The following ARHGEF28 variants were observed in gnomAD, a reference collection of about 807,000 sequenced individuals.
ARHGEF28 encodes the protein Rho guanine nucleotide exchange factor 28, also known as 190 kDa guanine nucleotide exchange factor.
In ARHGEF28, 152 loss-of-function variants were observed where a neutral mutation model predicts 206.6. That is an observed-to-expected ratio of 0.74 (90% CI 0.64 to 0.84). The LOEUF (loss-of-function observed/expected upper bound fraction) is 0.84. Among genes scored for constraint, ARHGEF28 ranks in the 40% least tolerant of loss-of-function variants. The pLI is 0.00. For missense variants in ARHGEF28, 2,028 were observed against 2,073.2 expected (o/e 0.98, Z 0.42); for synonymous variants, 763 against 776.4 (o/e 0.98, Z 0.29).
chr5:73,755,790 C>A (rs1400392714), intron 4 of ARHGEF28, among the ~76,000 whole-genome samples: 1 of 152,086 alleles, frequency 6.6e-6, no homozygotes, highest in Non-Finnish European at 1.5e-5. Flanking sequence ...CATCCTATTG[C>A]CATTTTCATT....
At chr5:73,881,978 C>A (rs1760981676) in intron 22 of ARHGEF28, among the ~76,000 whole-genome samples, 2 of 152,154 alleles carry the variant, frequency 1.3e-5, no homozygotes, top group Non-Finnish European at 2.9e-5. Context: ...AAATTCCCTA[C>A]TAAGGACTCA....
chr5:73,743,713 C>G (rs893121314), intron 2 of ARHGEF28, among the ~76,000 whole-genome samples: 1 of 152,176 alleles, frequency 6.6e-6, no homozygotes, highest in Non-Finnish European at 1.5e-5. Context: ...GTGTACTCTT[C>G]TCAGAATCTG....
intron 35 of ARHGEF28, among the ~76,000 whole-genome samples, chr5:73,913,979 C>A (rs1763063501): frequency 6.6e-6 from 1 of 152,166 alleles, no homozygotes; most frequent in African/African-American, 2.4e-5. Context: ...ATGTGAATTT[C>A]TGGAACAGTA....
At chr5:73,870,310 T>C in intron 21 of ARHGEF28, 101 bp downstream of exon 21, 2 of 1,359,586 alleles carry the variant, frequency 1.5e-6, no homozygotes, top group Non-Finnish European at 2.0e-6. Flanking sequence ...CCCAGTTCTA[T>C]CATTTTCTAT....
intron 2 of ARHGEF28, among the ~76,000 whole-genome samples, chr5:73,703,584 C>T (rs1748726495): frequency 6.6e-6 from 1 of 152,010 alleles, no homozygotes; most frequent in African/African-American, 2.4e-5. Context: ...GCCTGCTTTC[C>T]TCTCTCTCTT....
chr5:73,777,588 A>C (rs879503172), intron 6 of ARHGEF28, among the ~76,000 whole-genome samples: 2 of 152,234 alleles, frequency 1.3e-5, no homozygotes, highest in African/African-American at 4.8e-5. Context: ...TATGTATCAA[A>C]CAAAGATTAT....
intron 2 of ARHGEF28, among the ~76,000 whole-genome samples, chr5:73,714,694 G>T (rs1296185394): frequency 6.6e-6 from 1 of 152,112 alleles, no homozygotes; most frequent in African/African-American, 2.4e-5. Flanking sequence ...GCAGTCATAT[G>T]CACAAATCTT....
intron 4 of ARHGEF28, among the ~76,000 whole-genome samples, chr5:73,769,986 G>T (rs910667687): frequency 6.6e-6 from 1 of 152,176 alleles, no homozygotes; most frequent in African/African-American, 2.4e-5. Flanking sequence ...CTACATTTGA[G>T]AGGTTAATTT....
At chr5:73,721,696 C>A (rs1468711890) in intron 2 of ARHGEF28, among the ~76,000 whole-genome samples, 1 of 152,174 alleles carries the variant, frequency 6.6e-6, no homozygotes, top group Admixed American at 6.5e-5. Context: ...CCTTGGCCTC[C>A]CAAGTAGCTG....
At chr5:73,920,387 T>C (rs1482152231) in intron 35 of ARHGEF28, among the ~76,000 whole-genome samples, 1 of 152,152 alleles carries the variant, frequency 6.6e-6, no homozygotes, top group Non-Finnish European at 1.5e-5. Context: ...TAGTACTATA[T>C]GTATCAGTTT....
intron 13 of ARHGEF28, among the ~76,000 whole-genome samples, chr5:73,851,873 C>A (rs947163823): frequency 2.6e-5 from 4 of 152,098 alleles, no homozygotes; most frequent in African/African-American, 9.7e-5. Context: ...TTGTTTTCCT[C>A]CTTATGTATC....
intron 16 of ARHGEF28, among the ~76,000 whole-genome samples, chr5:73,862,295 A>G (rs1273068495): frequency 6.6e-6 from 1 of 152,148 alleles, no homozygotes; most frequent in East Asian, 1.9e-4. Context: ...TTTTGCATTT[A>G]GTTTTACTTT....
chr5:73,665,789 A>G (rs1187002080), intron 1 of ARHGEF28, among the ~76,000 whole-genome samples: 3 of 152,050 alleles, frequency 2.0e-5, no homozygotes, highest in Admixed American at 6.5e-5. Context: ...ACCTCTCAAT[A>G]CTGTTGCATT....
In ARHGEF28 at chr5:73,692,460, C is replaced by T. The variant is rs139388205; in HGVS notation, c.33+7576C>T. ...GTTTCCAGCTGGATCTAAGATACTT[C>T]GCTATTCCCTTAGCATTTTATGTTT... is the stretch of plus-strand genomic sequence containing the variant. On this transcript the variant is annotated intron_variant, in intron 2 of 35. Transcript: ENST00000513042. Among the ~76,000 whole-genome samples the T allele has an allele frequency of 3.4e-4, 52 of 152,246 alleles. No homozygotes were observed. In the East Asian group the frequency reaches 8.9e-3, roughly 26 times the overall value.
rs1282379518 is a variant in ARHGEF28 at position 73,806,535 on chromosome 5, CTATA to C, written c.1024+11149_1024+11152del. Among the ~76,000 whole-genome samples, 2 of 126,900 alleles carry C rather than the reference CTATA, an allele frequency of 1.6e-5. 1 individual carries two copies. Among genetic ancestry groups the C allele is most frequent in the African/African-American group, 6.3e-5 (2 of 31,698 alleles). The allele number at this position is 126,900 out of a possible 152,430, so 83.3% of individuals were successfully genotyped here. A position where few individuals can be genotyped will look rare whatever the true frequency, so the allele number is the denominator to read the frequency against. ...TATATAGTATGTATATAGTATATAT[CTATA>C]TATAGTATGTATATAGTATATATCT... On this transcript the variant is annotated intron_variant, in intron 9 of 35. Transcript: ENST00000513042.
chr5:73,732,175 G>A (rs1467792626), intron 2 of ARHGEF28, among the ~76,000 whole-genome samples: 1 of 152,074 alleles, frequency 6.6e-6, no homozygotes, highest in African/African-American at 2.4e-5. Flanking sequence ...GTATTACATA[G>A]AGTGTTTTCA....
At chr5:73,657,955 G>C (rs184217957) in intron 1 of ARHGEF28, among the ~76,000 whole-genome samples, 36 of 152,162 alleles carry the variant, frequency 2.4e-4, no homozygotes, top group Admixed American at 1.7e-3. Flanking sequence ...AAGATTCTTC[G>C]TAGGACATCA....
rs1025661724 is a variant in ARHGEF28, at chr5:73,846,357, C to G, written c.1517C>G (p.Ser506Cys). 3.1e-6 allele frequency: 5 copies of G among 1,613,796 alleles called. No homozygotes were observed. Among genetic ancestry groups the G allele is most frequent in the Non-Finnish European group, 4.2e-6 (5 of 1,179,852 alleles). The change falls in exon 12 of 36, where the codon TCC becomes TGC. Residue 506 changes from serine to cysteine, a missense_variant. Coordinates refer to ENST00000513042, the MANE Select transcript of ARHGEF28 (RefSeq NM_001177693.2). The stretch of plus-strand genomic sequence containing the variant: ...TGTTACACTCCAGGGTCTCAGAGCT[C>G]CTCAAGAACTGGGATTCCTAGTGGG... ...HICYTPGSQS[S>C]SRTGIPSGDE...
At chr5:73,906,241 A>T (rs1762548637) in intron 33 of ARHGEF28, among the ~76,000 whole-genome samples, 1 of 151,586 alleles carries the variant, frequency 6.6e-6, no homozygotes, top group Admixed American at 6.6e-5. Context: ...TTATTTTTTT[A>T]TTTATTTATT....
Sources: allele counts gnomAD v4.1 joint callset (sites outside exome capture counted in the v4.1 genomes callset), GRCh38; gene constraint gnomAD v4.1.1; transcripts MANE v1.5; gene names NCBI Gene and HGNC (gene_info 2026-07-23, HGNC 2026-07-21).